The following DLC1 variants were observed in gnomAD, a reference collection of about 807,000 sequenced individuals.
The protein encoded by DLC1 is DLC1 Rho GTPase activating protein, also known as rho GTPase-activating protein 7.
Under a neutral mutation model 140.3 loss-of-function variants are expected in DLC1, and 54 were observed. That is an observed-to-expected ratio of 0.38 (90% CI 0.31 to 0.48). The LOEUF (loss-of-function observed/expected upper bound fraction) is 0.48. DLC1 is among the 20% of genes least tolerant of loss of function. DLC1 has a pLI of 0.96. For synonymous variants in DLC1, 986 were observed against 728.1 expected, an observed-to-expected ratio of 1.35 and a Z score of -5.70; for missense variants, 2,536 against 1,907.0, an observed-to-expected ratio of 1.33 and a Z score of -6.14.
At chr8:13,327,606 C>T (rs1401287978) in intron 4 of DLC1, among the ~76,000 whole-genome samples, 1 of 152,012 alleles carries the variant, frequency 6.6e-6, no homozygotes, top group Non-Finnish European at 1.5e-5. Context: ...GCTTAAGCCA[C>T]TGTCCCCAGC....
intron 4 of DLC1, among the ~76,000 whole-genome samples, chr8:13,334,578 T>A (rs1490433819): frequency 6.6e-6 from 1 of 152,160 alleles, no homozygotes; most frequent in Non-Finnish European, 1.5e-5. Context: ...CAATTGTCTC[T>A]GGGCAAGGAC....
intron 2 of DLC1, among the ~76,000 whole-genome samples, chr8:13,407,732 C>G (rs1382528169): frequency 6.6e-6 from 1 of 152,176 alleles, no homozygotes; most frequent in African/African-American, 2.4e-5. Context: ...GTTCTGGCCC[C>G]TATGCTGTCT....
At chr8:13,331,032 C>T (rs557352669) in intron 4 of DLC1, among the ~76,000 whole-genome samples, 3 of 152,120 alleles carry the variant, frequency 2.0e-5, no homozygotes, top group East Asian at 3.9e-4. Flanking sequence ...GTATCCAAAC[C>T]AGGAGGAGAA....
chr8:13,413,256 A>ATTTTTTTTGTTTTTTTTTTTTTTT (rs1837876140), intron 2 of DLC1, among the ~76,000 whole-genome samples: 1 of 82,006 alleles, frequency 1.2e-5, no homozygotes, highest in Non-Finnish European at 2.3e-5. Context: ...TTTTTTTGCG[A>ATTTTTTTTGTTTTTTTTTTTTTTT]TTTTTTTTTT....
chr8:13,468,725 A>G (rs977530394), intron 2 of DLC1, among the ~76,000 whole-genome samples: 1 of 146,578 alleles, frequency 6.8e-6, no homozygotes, highest in Non-Finnish European at 1.5e-5. Context: ...ACCTTGATGG[A>G]GGTTGACATA....
intron 1 of DLC1, among the ~76,000 whole-genome samples, chr8:13,542,052 T>A (rs1803502542): frequency 6.6e-6 from 1 of 152,220 alleles, no homozygotes; most frequent in African/African-American, 2.4e-5. Flanking sequence ...GAGGGGCAAC[T>A]GTTTCTAATT....
At chr8:13,555,304 C>A (rs911047158) in intron 1 of DLC1, among the ~76,000 whole-genome samples, 1 of 152,030 alleles carries the variant, frequency 6.6e-6, no homozygotes, top group African/African-American at 2.4e-5. Flanking sequence ...ATTATAACCT[C>A]CATGAGGACA....
chr8:13,585,407 A>AT (rs1805265143), intron 1 of DLC1, among the ~76,000 whole-genome samples: 1 of 152,164 alleles, frequency 6.6e-6, no homozygotes, highest in African/African-American at 2.4e-5. Context: ...TCTATAAAAA[A>AT]TTTAAAAAAA....
chr8:13,576,115 A>T (rs1381199133), intron 1 of DLC1, among the ~76,000 whole-genome samples: 1 of 152,224 alleles, frequency 6.6e-6, no homozygotes, highest in African/African-American at 2.4e-5. Context: ...CACACTCTTT[A>T]TCAGAATGTC....
intron 4 of DLC1, among the ~76,000 whole-genome samples, chr8:13,316,869 T>A (rs1832880567): frequency 6.6e-6 from 1 of 152,190 alleles, no homozygotes; most frequent in Non-Finnish European, 1.5e-5. Flanking sequence ...GTATAACTAA[T>A]CCCTTCTCAA....
At chr8:13,418,381 T>G (rs982026599) in intron 2 of DLC1, among the ~76,000 whole-genome samples, 3 of 152,220 alleles carry the variant, frequency 2.0e-5, no homozygotes, top group Admixed American at 6.5e-5. Flanking sequence ...CATCTTGAAT[T>G]AATTTTTGTA....
intron 1 of DLC1, among the ~76,000 whole-genome samples, chr8:13,601,652 A>T (rs1043359926): frequency 1.3e-5 from 2 of 151,676 alleles, no homozygotes; most frequent in Non-Finnish European, 3.0e-5. Context: ...AGACAAAAAA[A>T]AAACAAAACA....
intron 1 of DLC1, among the ~76,000 whole-genome samples, chr8:13,588,740 G>A (rs966903813): frequency 2.3e-4 from 35 of 152,160 alleles, no homozygotes; most frequent in Non-Finnish European, 5.0e-4. Flanking sequence ...TCTTCTCAAA[G>A]ACTAAAGATA....
intron 1 of DLC1, among the ~76,000 whole-genome samples, chr8:13,554,963 C>T (rs1186694238): frequency 6.6e-6 from 1 of 152,222 alleles, no homozygotes; most frequent in Non-Finnish European, 1.5e-5. Flanking sequence ...TTAATCTGCT[C>T]CCACCCACAA....
chr8:13,102,176 T>C (rs948486334), intron 8 of DLC1, among the ~76,000 whole-genome samples: 3 of 152,162 alleles, frequency 2.0e-5, no homozygotes, highest in African/African-American at 7.2e-5. Context: ...TTGTGACACT[T>C]ACTCCCAGTA....
intron 4 of DLC1, among the ~76,000 whole-genome samples, chr8:13,352,916 A>C (rs527510405): frequency 6.6e-6 from 1 of 152,288 alleles, no homozygotes; most frequent in Admixed American, 6.5e-5. Context: ...AGGATAAACA[A>C]AATCTGAAAT....
intron 7 of DLC1, among the ~76,000 whole-genome samples, chr8:13,109,933 A>C (rs1819935124): frequency 6.6e-6 from 1 of 152,066 alleles, no homozygotes; most frequent in South Asian, 2.1e-4. Context: ...AAACAAAAAA[A>C]CCCTGAAATT....
At chr8:13,124,777 T>C (rs1455233160) in intron 5 of DLC1, among the ~76,000 whole-genome samples, 1 of 152,204 alleles carries the variant, frequency 6.6e-6, no homozygotes, top group Non-Finnish European at 1.5e-5. Flanking sequence ...CCATTTCACC[T>C]TCTCTCTAAG....
chr8:13,514,230 G>A (rs1466107172), intron 1 of DLC1, among the ~76,000 whole-genome samples: 1 of 152,188 alleles, frequency 6.6e-6, no homozygotes, highest in East Asian at 1.9e-4. Context: ...GGAAGGTAGG[G>A]GAGGAATTCA....
Sources: allele counts gnomAD v4.1 joint callset (sites outside exome capture counted in the v4.1 genomes callset), GRCh38; gene constraint gnomAD v4.1.1; transcripts MANE v1.5; gene names NCBI Gene and HGNC (gene_info 2026-07-23, HGNC 2026-07-21).